Variants in LY6G5C observed in about 807,000 individuals in gnomAD.
LY6G5C encodes the protein lymphocyte antigen 6 family member G5C.
Under a neutral mutation model 10.5 loss-of-function variants are expected in LY6G5C, and 6 were observed. The ratio of observed to expected loss-of-function variants is 0.57; its 90% CI spans 0.31 to 1.12. The LOEUF (loss-of-function observed/expected upper bound fraction) is 1.12, where lower values mean the gene tolerates loss of function less well. Ranked by LOEUF, LY6G5C falls within the 50% of genes most tolerant of loss-of-function variation. The probability of loss-of-function intolerance (pLI) is 0.05; values close to 1 mark genes in which losing one functional copy is unlikely to be tolerated. For missense variants in LY6G5C, 160 were observed against 185.5 expected (o/e 0.86, Z 0.80); for synonymous variants, 69 against 67.8 (o/e 1.02, Z -0.09).
At chr6:31,681,021 C>A (rs1001916948), upstream of LY6G5C, among the ~76,000 whole-genome samples, 3 of 135,690 alleles carry the variant, frequency 2.2e-5, no homozygotes, top group South Asian at 7.0e-4. Context: ...TAGGCTTGCA[C>A]AAGGAAGTGG....
rs1802743282 is a variant in LY6G5C, at chr6:31,679,167, G to A, written c.223C>T (p.Leu75Phe). The A allele has an allele frequency of 1.2e-6, 2 of 1,612,854 alleles. No homozygotes were observed. Among genetic ancestry groups the A allele is most frequent in the African/African-American group, 2.7e-5 (2 of 74,858 alleles). The change falls in exon 2 of 3, where the codon CTT becomes TTT. Residue 75 changes from leucine to phenylalanine, a missense_variant. By Grantham distance (22) the Leu-to-Phe change is conservative (BLOSUM62 0). Coordinates refer to ENST00000383237, the Ensembl canonical transcript of LY6G5C. The surrounding 1 kb of genome is among the most constrained non-coding windows in gnomAD (Gnocchi z 4.4). ...GTGAGGCAGATGTCAGATCCCAGAAGGCACCCTAACTCCTTGGTCTCCAAG... is the reference window on the plus strand; with the variant it reads ...GTGAGGCAGATGTCAGATCCCAGAAAGCACCCTAACTCCTTGGTCTCCAAG...
chr6:31,677,104 G>A (rs1400143167), exon 3 of LY6G5C: 12 of 1,612,828 alleles, frequency 7.4e-6, no homozygotes, highest in South Asian at 6.6e-5. Context: ...CACTCACCAT[G>A]ACGTCAGAAC....
Position 31,679,813 on chromosome 6 carries a change from C to T in LY6G5C, c.121+440G>A, listed in dbSNP as rs1802780863. Reference sequence around the variant, plus strand: ...CTGTAATCCCAGCACTTTGGGAGGCCAAGGCGGGCAGGTACCTGAGGTCAG... The same window carrying T: ...CTGTAATCCCAGCACTTTGGGAGGCTAAGGCGGGCAGGTACCTGAGGTCAG... On this transcript the variant is annotated intron_variant, in intron 1 of 2. Coordinates refer to ENST00000383237, the Ensembl canonical transcript of LY6G5C. This position sits in a 1 kb window ranked among gnomAD's most constrained non-coding sequence, Gnocchi z 4.4. 1 of 187,430 alleles carries T rather than the reference C, an allele frequency of 5.3e-6. No homozygotes were observed. Among genetic ancestry groups the T allele is most frequent in the Admixed American group, 5.4e-5 (1 of 18,660 alleles). 11.6% of individuals were successfully genotyped at this position (187,430 alleles called of 1,614,324 possible).
upstream of LY6G5C, chr6:31,680,507 C>T (rs1375010813): frequency 9.2e-6 from 9 of 982,408 alleles, no homozygotes; most frequent in Non-Finnish European, 1.3e-5. This position sits in a 1 kb window ranked among gnomAD's most constrained non-coding sequence, Gnocchi z 4.5. Flanking sequence ...TTCGCACCCA[C>T]AGCCACTCTG....
chr6:31,678,643 GAGA>G (rs1270598569), intron 2 of LY6G5C, among the ~76,000 whole-genome samples: 6 of 152,160 alleles, frequency 3.9e-5, no homozygotes, highest in African/African-American at 1.4e-4. Flanking sequence ...AGATTGAGGA[GAGA>G]AGGTTAGTGG....
rs891751849 is a variant in LY6G5C, at chr6:31,679,942, G to T, written c.121+311C>A. 4.0e-5 allele frequency: 10 copies of T among 247,044 alleles called. No homozygotes were observed. Among genetic ancestry groups the T allele is most frequent in the Non-Finnish European group, 7.3e-5 (9 of 123,974 alleles). The allele number at this position is 247,044 out of a possible 1,614,324, so 15.3% of individuals were successfully genotyped here. A position where few individuals can be genotyped will look rare whatever the true frequency, so the allele number is the denominator to read the frequency against. On this transcript the variant is annotated intron_variant, in intron 1 of 2. Transcript: ENST00000383237. The surrounding 1 kb of genome is among the most constrained non-coding windows in gnomAD (Gnocchi z 4.4). The stretch of plus-strand genomic sequence containing the variant: ...TATGCCTGTAATCCCAGTTATTCGG[G>T]AGGCTGAGGCATGAGAATCGCTTGA...
rs1378301573 is a variant in LY6G5C at position 31,679,232 on chromosome 6, G to C, written c.158C>G (p.Pro53Arg). The stretch of plus-strand genomic sequence containing the variant: ...GCGCAGGTATTTGGGGAATGGAAGT[G>C]GTTGAGGGGGTTCCCAATTGACAGG... Residue 53 changes from proline to arginine, a missense_variant, in exon 2 of 3, where the codon CCA becomes CGA. Transcript: ENST00000383237. The surrounding 1 kb of genome is among the most constrained non-coding windows in gnomAD (Gnocchi z 4.4). The C allele has an allele frequency of 1.9e-5, 30 of 1,612,974 alleles. No individual in the cohort carries two copies. The highest frequency in any genetic ancestry group is 2.3e-5 in the Non-Finnish European group (27 of 1,180,000).
exon 3 of LY6G5C, chr6:31,676,753 G>A (rs1802596818): frequency 3.8e-6 from 2 of 532,324 alleles, no homozygotes; most frequent in Non-Finnish European, 6.7e-6. Flanking sequence ...AAACCTGGTG[G>A]GCAGTAGGGC....
exon 3 of LY6G5C, chr6:31,676,859 TG>T (rs1802603901): frequency 8.4e-7 from 1 of 1,194,834 alleles, no homozygotes. Context: ...CAAGGAGGGC[TG>T]GTATGAGGGA....
chr6:31,677,892 G>A (rs374324114), intron 2 of LY6G5C, among the ~76,000 whole-genome samples: 24 of 152,258 alleles, frequency 1.6e-4, no homozygotes, highest in African/African-American at 5.8e-4. Context: ...GGTGGGTTAG[G>A]GTAGTAGCGG....
At chr6:31,677,270 A>G in intron 2 of LY6G5C, 150 bp from the exon 3 acceptor site, 1 of 740,586 alleles carries the variant, frequency 1.4e-6, no homozygotes, top group Non-Finnish European at 2.2e-6. Context: ...TTCACCAGCC[A>G]TGGAACTCCA....
At chr6:31,678,703 G>A (rs1802709540) in intron 2 of LY6G5C, among the ~76,000 whole-genome samples, 1 of 152,200 alleles carries the variant, frequency 6.6e-6, no homozygotes, top group Admixed American at 6.5e-5. Context: ...GAGAGGCTGG[G>A]CACGGTGGCT....
upstream of LY6G5C, among the ~76,000 whole-genome samples, chr6:31,680,876 G>C (rs1469604844): frequency 6.6e-6 from 1 of 152,166 alleles, no homozygotes; most frequent in African/African-American, 2.4e-5. This position sits in a 1 kb window ranked among gnomAD's most constrained non-coding sequence, Gnocchi z 4.5. Context: ...CTATTCCCGA[G>C]TCCGGTCACA....
Position 31,679,579 on chromosome 6 carries a change from G to A in LY6G5C, c.122-311C>T. The A allele has an allele frequency of 4.3e-6, 2 of 464,544 alleles. No individual in the cohort carries two copies. Among genetic ancestry groups the A allele is most frequent in the Non-Finnish European group, 7.9e-6 (2 of 253,600 alleles). The allele number at this position is 464,544 out of a possible 1,614,324, so 28.8% of individuals were successfully genotyped here. A position where few individuals can be genotyped will look rare whatever the true frequency, so the allele number is the denominator to read the frequency against. On this transcript the variant is annotated intron_variant, in intron 1 of 2. Coordinates refer to ENST00000383237, the Ensembl canonical transcript of LY6G5C. This position sits in a 1 kb window ranked among gnomAD's most constrained non-coding sequence, Gnocchi z 4.4. ...GGCTGGTGCTTTGCAGCCAAGTGGG[G>A]AGCCCAGCAGGCTGGACTCAGTCTT...
chr6:31,678,087 C>T (rs141586312), intron 2 of LY6G5C, among the ~76,000 whole-genome samples: 198 of 152,296 alleles, frequency 1.3e-3, no homozygotes, highest in Middle Eastern at 3.4e-3. Context: ...AAGGTTATGA[C>T]CTTTCTGCAC....
chr6:31,677,685 T>C (rs998919835), intron 2 of LY6G5C, among the ~76,000 whole-genome samples: 2 of 152,242 alleles, frequency 1.3e-5, no homozygotes, highest in Non-Finnish European at 2.9e-5. Context: ...GTTTACAAAC[T>C]GATATCGGAA....
chr6:31,679,326 AC>A lies in LY6G5C; in HGVS notation c.122-59del. 6.3e-7 allele frequency: 1 copy of A among 1,594,164 alleles called. No individual in the cohort carries two copies. The highest frequency in any genetic ancestry group is 8.6e-7 in the Non-Finnish European group (1 of 1,163,316). ...ACCCCATTCTACCTCACACCCTACC[AC>A]TGCCTGATTCCAGGCCACTCAGCCC... On this transcript the variant is annotated intron_variant, in intron 1 of 2. Coordinates refer to ENST00000383237, the Ensembl canonical transcript of LY6G5C. The surrounding 1 kb of genome is among the most constrained non-coding windows in gnomAD (Gnocchi z 4.4).
Position 31,680,181 on chromosome 6 carries a change from C to T in LY6G5C, c.121+72G>A. 6.3e-7 allele frequency: 1 copy of T among 1,596,572 alleles called. No individual in the cohort carries two copies. Among genetic ancestry groups the T allele is most frequent in the South Asian group, 1.1e-5 (1 of 90,608 alleles). ...TACCTGAGCATCCTGGACAGGTGTACCCAGACACTTGGTGTCTGTGGGTTT... is the reference window on the plus strand; with the variant it reads ...TACCTGAGCATCCTGGACAGGTGTATCCAGACACTTGGTGTCTGTGGGTTT... On this transcript the variant is annotated intron_variant, in intron 1 of 2. Coordinates refer to ENST00000383237, the Ensembl canonical transcript of LY6G5C. The surrounding 1 kb of genome is among the most constrained non-coding windows in gnomAD (Gnocchi z 4.5).
Position 31,679,289 on chromosome 6 carries a change from G to C in LY6G5C, c.122-21C>G, listed in dbSNP as rs529934845. Reference sequence around the variant, plus strand: ...CTTACCTAGAACACAGAGAAGTGCTGACCCCACTCACACCCCATTCTACCT... The same window carrying C: ...CTTACCTAGAACACAGAGAAGTGCTCACCCCACTCACACCCCATTCTACCT... On this transcript the variant is annotated intron_variant, in intron 1 of 2. Coordinates refer to ENST00000383237, the Ensembl canonical transcript of LY6G5C. This position sits in a 1 kb window ranked among gnomAD's most constrained non-coding sequence, Gnocchi z 4.4. The C allele has an allele frequency of 1.9e-6, 3 of 1,612,800 alleles. No individual in the cohort carries two copies. Among genetic ancestry groups the C allele is most frequent in the Admixed American group, 1.7e-5 (1 of 59,984 alleles).
Sources: gnomAD v4.1 joint callset for allele counts (sites outside exome capture counted in the v4.1 genomes callset) on GRCh38, gnomAD v4.1.1 for gene constraint, Gnocchi (gnomAD v3.1) non-coding constraint, MANE v1.5 for transcripts, NCBI Gene and HGNC (gene_info 2026-07-23, HGNC 2026-07-21) for gene names.